Variants in DNAH12 observed in about 807,000 individuals in gnomAD.
DNAH12 encodes axonemal beta dynein heavy chain 12.
Under a neutral mutation model 371.5 loss-of-function variants are expected in DNAH12, and 285 were observed. The ratio of observed to expected loss-of-function variants is 0.77; its 90% CI spans 0.70 to 0.85. DNAH12 has a LOEUF of 0.85. Among genes scored for constraint, DNAH12 ranks in the 40% least tolerant of loss-of-function variants. DNAH12 has a pLI of 0.00. For synonymous variants in DNAH12, 1,200 were observed against 1,213.0 expected, an observed-to-expected ratio of 0.99 and a Z score of 0.22; for missense variants, 3,611 against 3,689.4, an observed-to-expected ratio of 0.98 and a Z score of 0.55.
chr3:57,296,986 T>C lies in DNAH12; in HGVS notation c.11395-2A>G. ...AGGTTTTCCTGAATTATACCAGTCC[T>C]ACAAAGGGAAAACAAAACACATTAT... On this transcript the variant is annotated splice_acceptor_variant, in intron 70 of 73. Coordinates refer to ENST00000495027, the MANE Select transcript of DNAH12 (RefSeq NM_001366028.2). LOFTEE classifies it high-confidence loss of function. The C allele has an allele frequency of 1.3e-6, 2 of 1,551,214 alleles. No individual in the cohort carries two copies. Among genetic ancestry groups the C allele is most frequent in the Non-Finnish European group, 1.7e-6 (2 of 1,146,898 alleles).
intron 7 of DNAH12, among the ~76,000 whole-genome samples, 182 bp downstream of exon 7, chr3:57,508,200 C>CA (rs11288020): frequency 1.8e-3 from 230 of 129,152 alleles, no homozygotes; most frequent in Non-Finnish European, 2.2e-3. Flanking sequence ...AAAAAAAAAA[C>CA]AAAAAAAAAA....
intron 55 of DNAH12, among the ~76,000 whole-genome samples, chr3:57,371,425 T>C (rs2153336879): frequency 6.6e-6 from 1 of 152,292 alleles, no homozygotes; most frequent in Non-Finnish European, 1.5e-5. Context: ...TATTTGTATT[T>C]CTTAAGTGTA....
intron 58 of DNAH12, among the ~76,000 whole-genome samples, chr3:57,360,399 C>G (rs2062899164): frequency 2.6e-5 from 4 of 152,124 alleles, no homozygotes; most frequent in Admixed American, 2.6e-4. Context: ...TTAGAAAGTC[C>G]TCTGTCCAGC....
chr3:57,487,363 GAGAAAGAAAGAA>G (rs1335965986), intron 12 of DNAH12, among the ~76,000 whole-genome samples: 1 of 55,000 alleles, frequency 1.8e-5, no homozygotes, highest in Non-Finnish European at 3.8e-5. Flanking sequence ...GAGAAAGAAA[GAGAAAGAAAGAA>G]AAAAAAAAAG....
chr3:57,341,752 G>C (rs1020977787), intron 60 of DNAH12, among the ~76,000 whole-genome samples: 19 of 144,982 alleles, frequency 1.3e-4, no homozygotes, highest in Admixed American at 8.9e-4. Flanking sequence ...CACAGAAATA[G>C]AAAAAAAAAA....
At chr3:57,487,166 T>G (rs2066946127) in intron 12 of DNAH12, among the ~76,000 whole-genome samples, 1 of 151,778 alleles carries the variant, frequency 6.6e-6, no homozygotes, top group South Asian at 2.1e-4. Flanking sequence ...CCAGGCACAG[T>G]GGCCCACACC....
At chr3:57,325,367 A>T (rs2061918106) in intron 62 of DNAH12, among the ~76,000 whole-genome samples, 1 of 152,188 alleles carries the variant, frequency 6.6e-6, no homozygotes, top group Non-Finnish European at 1.5e-5. Flanking sequence ...TACTCCTCTG[A>T]GACAAAACTT....
chr3:57,433,497 C>T lies in DNAH12; in HGVS notation c.4850G>A (p.Gly1617Asp). The change falls in exon 32 of 74, where the codon GGT becomes GAT. Residue 1617 changes from glycine (G) to aspartate (D), a missense_variant. Transcript: ENST00000495027. ...TTCTCTAAAAGTGTTAGCCACAATA[C>T]CATCAGTCCACTGAGGAGGAAAAAA... ...FDPVSHEWTD[G>D]IVANTFREFA... 1.3e-6 allele frequency: 2 copies of T among 1,551,096 alleles called. No individual in the cohort carries two copies. The highest frequency in any genetic ancestry group is 8.7e-7 in the Non-Finnish European group (1 of 1,146,836).
At position 57,334,912 on chromosome 3, in the gene DNAH12, G is replaced by T; in HGVS notation, c.9703C>A (p.Leu3235Met). Residue 3235 changes from leucine (L) to methionine (M), a missense_variant, in exon 61 of 74, where the codon CTG becomes ATG. Transcript: ENST00000495027. ...LARKEIEYQELMFLLTGGVSL... is the reference protein window; with the variant it reads ...LARKEIEYQEMMFLLTGGVSL... ...ACTCCTCCAGTTAAAAGAAACATCAGTTCCTGGTATTCAATCTCTTTCCTT... is the reference window on the plus strand; with the variant it reads ...ACTCCTCCAGTTAAAAGAAACATCATTTCCTGGTATTCAATCTCTTTCCTT... 1 of 1,550,504 alleles carries T rather than the reference G, an allele frequency of 6.4e-7. No homozygotes were observed. The highest frequency in any genetic ancestry group is 8.7e-7 in the Non-Finnish European group (1 of 1,146,758).
At chr3:57,351,357 T>A (rs1278413405) in intron 60 of DNAH12, among the ~76,000 whole-genome samples, 1 of 152,158 alleles carries the variant, frequency 6.6e-6, no homozygotes, top group African/African-American at 2.4e-5. Context: ...ATTCTGTTAA[T>A]GGGATATAAA....
intron 65 of DNAH12, among the ~76,000 whole-genome samples, chr3:57,317,145 C>T (rs17792245): frequency 0.024 from 3,580 of 152,244 alleles, 64 homozygotes; most frequent in Admixed American, 0.035. Flanking sequence ...TAGTTCATAA[C>T]ACTATCATGG....
chr3:57,519,127 A>G (rs561181026), intron 4 of DNAH12, among the ~76,000 whole-genome samples: 4 of 152,228 alleles, frequency 2.6e-5, no homozygotes, highest in Non-Finnish European at 5.9e-5. Context: ...TCAAGGTTTT[A>G]ATTTGTATTA....
intron 45 of DNAH12, among the ~76,000 whole-genome samples, chr3:57,390,847 T>C (rs1465293994): frequency 6.6e-6 from 1 of 152,098 alleles, no homozygotes; most frequent in African/African-American, 2.4e-5. Flanking sequence ...GGTTTTTTCC[T>C]AAATGCAGAT....
intron 52 of DNAH12, among the ~76,000 whole-genome samples, chr3:57,378,580 A>T (rs1053508795): frequency 2.0e-5 from 3 of 152,150 alleles, no homozygotes; most frequent in Non-Finnish European, 2.9e-5. Flanking sequence ...TTTCTTCCTT[A>T]GGTAGAATTC....
intron 2 of DNAH12, among the ~76,000 whole-genome samples, chr3:57,526,944 C>G (rs185196307): frequency 9.8e-4 from 149 of 151,816 alleles, no homozygotes; most frequent in African/African-American, 3.5e-3. Flanking sequence ...AAGCAATTCT[C>G]CTGCCTCAGC....
chr3:57,515,850 A>G (rs2068173407), intron 4 of DNAH12, among the ~76,000 whole-genome samples: 1 of 151,970 alleles, frequency 6.6e-6, no homozygotes, highest in African/African-American at 2.4e-5. Flanking sequence ...CATAAAGCAT[A>G]CAGGGGAATT....
At chr3:57,425,264 T>C (rs893694751) in intron 34 of DNAH12, 123 bp from the exon 35 acceptor site, 15 of 587,002 alleles carry the variant, frequency 2.6e-5, no homozygotes, top group Admixed American at 1.2e-4. Context: ...TTTTTTGTTT[T>C]TGAGATGGGA....
intron 55 of DNAH12, among the ~76,000 whole-genome samples, chr3:57,368,908 TA>T (rs1265797022): frequency 1.7e-4 from 26 of 152,070 alleles, no homozygotes; most frequent in African/African-American, 6.3e-4. Context: ...AATTTTCTTT[TA>T]AAAATATAGC....
chr3:57,535,830 C>T (rs1041508903), intron 2 of DNAH12, among the ~76,000 whole-genome samples: 1 of 144,076 alleles, frequency 6.9e-6, no homozygotes, highest in African/African-American at 2.7e-5. Flanking sequence ...GCGTGAGCCA[C>T]CACACCCCAA....
Sources: allele counts gnomAD v4.1 joint callset (sites outside exome capture counted in the v4.1 genomes callset), GRCh38; gene constraint gnomAD v4.1.1; transcripts MANE v1.5; gene names NCBI Gene and HGNC (gene_info 2026-07-23, HGNC 2026-07-21).